The following FAT4 variants were observed in gnomAD, a reference collection of about 807,000 sequenced individuals.
FAT4 encodes the protein FAT atypical cadherin 4, also known as protocadherin Fat 4.
In FAT4, 84 loss-of-function variants were observed where a neutral mutation model predicts 303.9. The ratio of observed to expected loss-of-function variants is 0.28; its 90% CI spans 0.23 to 0.33. FAT4 has a LOEUF of 0.33. Among genes scored for constraint, FAT4 ranks in the 10% least tolerant of loss-of-function variants. The pLI, the probability that FAT4 is intolerant of heterozygous loss-of-function variation, is 1.00. For missense variants in FAT4, 6,005 were observed against 6,146.8 expected, an observed-to-expected ratio of 0.98 and a Z score of 0.77; for synonymous variants, 2,307 against 2,298.8, an observed-to-expected ratio of 1.00 and a Z score of -0.10.
At chr4:125,436,052 AG>A (rs532056309) in intron 8 of FAT4, among the ~76,000 whole-genome samples, 5 of 54,308 alleles carry the variant, frequency 9.2e-5, no homozygotes, top group South Asian at 6.6e-4. Flanking sequence ...GGGTCGGGGG[AG>A]GGGGGGAGGG....
chr4:125,448,849 T>C lies in FAT4; in HGVS notation c.7839T>C (p.Thr2613=), dbSNP rs763361137. ...TCGCAAGTGGGAATCTTGGCAATAC[T>C]TTCCAGATTGATCAGTTAACAGGGC... ...YYIASGNLGN[T]FQIDQLTGQV... Residue 2613 remains threonine, a synonymous_variant, in exon 10 of 18, where the codon ACT becomes ACC. Coordinates refer to ENST00000394329, the MANE Select transcript of FAT4 (RefSeq NM_001291303.3). 1.1e-5 allele frequency: 17 copies of C among 1,608,440 alleles called. No homozygotes were observed. The highest frequency in any genetic ancestry group is 1.4e-5 in the Non-Finnish European group (16 of 1,179,436).
chr4:125,439,621 G>A (rs897091037), intron 8 of FAT4, among the ~76,000 whole-genome samples: 11 of 151,988 alleles, frequency 7.2e-5, no homozygotes, highest in African/African-American at 1.7e-4. Context: ...TTACAGGCGT[G>A]AGCCACCGCG....
intron 2 of FAT4, among the ~76,000 whole-genome samples, chr4:125,334,750 G>A (rs1284576238): frequency 6.6e-6 from 1 of 151,910 alleles, no homozygotes; most frequent in Admixed American, 6.6e-5. Context: ...ATATTATATG[G>A]TCATAGAATT....
chr4:125,492,007 G>A lies in FAT4; in HGVS notation c.*239G>A, dbSNP rs1727671005. 1 of 464,000 alleles carries A rather than the reference G, an allele frequency of 2.2e-6. No individual in the cohort carries two copies. Among genetic ancestry groups the A allele is most frequent in the East Asian group, 3.5e-5 (1 of 28,338 alleles). 28.7% of individuals were successfully genotyped at this position (464,000 alleles called of 1,614,324 possible). On this transcript the variant is annotated 3_prime_UTR_variant, in exon 18 of 18. Coordinates refer to ENST00000394329, the MANE Select transcript of FAT4 (RefSeq NM_001291303.3). ...CATTGTGTTTTGTAACTAGTTATGT[G>A]GCATGCAGCATTTGGAAAATTTTTC... is the stretch of plus-strand genomic sequence containing the variant.
At chr4:125,489,847 CTTTTT>C (rs60144993) in intron 17 of FAT4, 49 bp from the exon 18 acceptor site, 4,991 of 444,684 alleles carry the variant, frequency 0.011, no homozygotes, top group Middle Eastern at 0.014. Context: ...AGTATAAGCT[CTTTTT>C]TTTTTTTTTT....
At position 125,490,858 on chromosome 4, in the gene FAT4, G is replaced by A. The variant is rs1727607501; in HGVS notation, c.14042G>A (p.Gly4681Asp). Residue 4681 changes from glycine (G) to aspartate (D), a missense_variant, in exon 18 of 18, where the codon GGT (glycine) becomes GAT (aspartate). Transcript: ENST00000394329. ...ASSLTYQPSY[G>D]QGLRTSSLSH... ...AGTTTGACTTACCAGCCTTCATATG[G>A]TCAAGGTTTGAGAACCAGCTCCCTA... 1 of 1,613,950 alleles carries A rather than the reference G, an allele frequency of 6.2e-7. No individual in the cohort carries two copies. Among genetic ancestry groups the A allele is most frequent in the Admixed American group, 1.7e-5 (1 of 59,984 alleles).
intron 16 of FAT4, 44 bp from the exon 17 acceptor site, chr4:125,487,301 C>A: frequency 6.5e-7 from 1 of 1,549,594 alleles, no homozygotes; most frequent in South Asian, 1.2e-5. Flanking sequence ...TTTATTTAAG[C>A]ATACCATATT....
rs368716896 is a variant in FAT4, at chr4:125,319,852, G to A, written c.3441G>A (p.Glu1147=). The change falls in exon 2 of 18, where the codon GAG becomes GAA. Residue 1147 remains glutamate (E), a synonymous_variant. Transcript: ENST00000394329. The part of the protein sequence containing the change: ...YSFEMVQPDF[E]LHAISGEITN... ...TTGAAATGGTGCAGCCAGATTTTGAGTTGCATGCCATCAGTGGGGAAATTA... is the reference window on the plus strand; with the variant it reads ...TTGAAATGGTGCAGCCAGATTTTGAATTGCATGCCATCAGTGGGGAAATTA... 1 of 1,614,052 alleles carries A rather than the reference G, an allele frequency of 6.2e-7. No homozygotes were observed. The highest frequency in any genetic ancestry group is 1.3e-5 in the African/African-American group (1 of 74,926).
intron 13 of FAT4, among the ~76,000 whole-genome samples, chr4:125,476,510 G>T (rs1727033874): frequency 6.6e-6 from 1 of 152,072 alleles, no homozygotes; most frequent in Non-Finnish European, 1.5e-5. Flanking sequence ...TCTTTGGAAA[G>T]ATTCATGAAA....
Position 125,458,305 on chromosome 4 carries a change from A to G in FAT4, c.11801-5258A>G, listed in dbSNP as rs184792283. 1.2e-3 allele frequency among the ~76,000 whole-genome samples: 188 copies of G among 152,126 alleles called. 2 individuals carry two copies. The highest frequency in any genetic ancestry group is 4.3e-3 in the African/African-American group (179 of 41,546). ...CAGTAAAATTTTTTCAGACATACCA[A>G]CTTATATACAGAATATGCATAGTAA... On this transcript the variant is annotated intron_variant, in intron 10 of 17. Transcript: ENST00000394329.
intron 2 of FAT4, among the ~76,000 whole-genome samples, chr4:125,380,878 A>G (rs1733510753): frequency 6.6e-6 from 1 of 152,188 alleles, no homozygotes; most frequent in East Asian, 1.9e-4. Flanking sequence ...CATTTATTAT[A>G]TTTCAGGGCA....
intron 3 of FAT4, among the ~76,000 whole-genome samples, chr4:125,401,059 T>C (rs970437928): frequency 3.3e-5 from 5 of 151,964 alleles, no homozygotes; most frequent in Admixed American, 3.3e-4. Context: ...TAGGTGCACC[T>C]ACAACATTAA....
At chr4:125,472,072 CA>C (rs774403195) in intron 12 of FAT4, among the ~76,000 whole-genome samples, 30 of 73,398 alleles carry the variant, frequency 4.1e-4, no homozygotes, top group Middle Eastern at 8.8e-3. Flanking sequence ...GACTCTGTCT[CA>C]AAAAAAAAAA....
rs183510208 is a variant in FAT4 at position 125,342,483 on chromosome 4, T to G, written c.5175+20897T>G. ...TTAACAGGATTGTTTTATTTACATA[T>G]TTTTACATTTATTATACATTTAGAA... On this transcript the variant is annotated intron_variant, in intron 2 of 17. Transcript: ENST00000394329. Among the ~76,000 whole-genome samples the G allele has an allele frequency of 1.0e-3, 152 of 152,108 alleles. 2 individuals carry two copies. Among genetic ancestry groups the G allele is most frequent in the East Asian group, 8.1e-3 (42 of 5,174 alleles).
intron 2 of FAT4, among the ~76,000 whole-genome samples, chr4:125,327,850 G>T (rs1457301924): frequency 1.3e-5 from 2 of 151,998 alleles, no homozygotes; most frequent in African/African-American, 2.4e-5. Flanking sequence ...ATTTTTCATT[G>T]CATTGTCTGC....
At chr4:125,411,538 G>A (rs1236568254) in intron 5 of FAT4, among the ~76,000 whole-genome samples, 1 of 151,672 alleles carries the variant, frequency 6.6e-6, no homozygotes, top group Non-Finnish European at 1.5e-5. Flanking sequence ...GTGACCTGAT[G>A]ACCTTGTTGA....
At position 125,317,735 on chromosome 4, in the gene FAT4, G is replaced by C. The variant is rs1168454727; in HGVS notation, c.1324G>C (p.Asp442His). 2 of 1,614,022 alleles carry C rather than the reference G, an allele frequency of 1.2e-6. No homozygotes were observed. The highest frequency in any genetic ancestry group is 1.3e-5 in the African/African-American group (1 of 74,940). ...PSYNLTVSVS[D>H]NYGAPPGAAV... ...CTACAACCTCACAGTTTCCGTCTCT[G>C]ATAACTACGGGGCGCCCCCTGGCGC... is the stretch of plus-strand genomic sequence containing the variant. Residue 442 changes from aspartate (D) to histidine (H), a missense_variant, in exon 2 of 18, where the codon GAT (aspartate) becomes CAT (histidine). Physicochemically the swap from Asp to His is moderately conservative, Grantham distance 81. Coordinates refer to ENST00000394329, the MANE Select transcript of FAT4 (RefSeq NM_001291303.3). The surrounding 1 kb of genome is among the most constrained non-coding windows in gnomAD (Gnocchi z 7.0).
In FAT4 at chr4:125,477,192, G is replaced by T; in HGVS notation, c.12337G>T (p.Gly4113Cys). ...DVQPNRVTVG[G>C]IRSLEPILQR... ...TCAGCCAAATAGAGTTACAGTTGGA[G>T]GTATCAGATCTCTAGAACCAATCCT... Residue 4113 changes from glycine (G) to cysteine (C), a missense_variant, in exon 14 of 18, where the codon GGT (glycine) becomes TGT (cysteine). Gly to Cys is a radical substitution (Grantham distance 159, BLOSUM62 -3). Coordinates refer to ENST00000394329, the MANE Select transcript of FAT4 (RefSeq NM_001291303.3). 1 of 1,454,828 alleles carries T rather than the reference G, an allele frequency of 6.9e-7. No individual in the cohort carries two copies. The highest frequency in any genetic ancestry group is 1.6e-5 in the South Asian group (1 of 64,430). The allele number at this position is 1,454,828 out of a possible 1,614,324, so 90.1% of individuals were successfully genotyped here.
Position 125,319,467 on chromosome 4 carries a change from A to T in FAT4, c.3056A>T (p.Gln1019Leu). The T allele has an allele frequency of 2.5e-6, 4 of 1,613,360 alleles. No individual in the cohort carries two copies. Among genetic ancestry groups the T allele is most frequent in the Non-Finnish European group, 3.4e-6 (4 of 1,179,324 alleles). ...GTGAATTCTCGATTCTTTAAAGTAC[A>T]AGCTTCTGATAAGGATTCAGGAGCA... ...EPVNSRFFKV[Q>L]ASDKDSGANG... The change falls in exon 2 of 18, where the codon CAA (glutamine) becomes CTA (leucine). Residue 1019 changes from glutamine (Q) to leucine (L), a missense_variant. By Grantham distance (113) the Gln-to-Leu change is moderately radical. Coordinates refer to ENST00000394329, the MANE Select transcript of FAT4 (RefSeq NM_001291303.3).
Sources: gnomAD v4.1 joint callset for allele counts (sites outside exome capture counted in the v4.1 genomes callset) on GRCh38, gnomAD v4.1.1 for gene constraint, Gnocchi (gnomAD v3.1) non-coding constraint, MANE v1.5 for transcripts, NCBI Gene and HGNC (gene_info 2026-07-23, HGNC 2026-07-21) for gene names.